Variants in NCAM2 observed in about 807,000 individuals in gnomAD.
The protein encoded by NCAM2 is N-CAM-2.
In NCAM2, 30 loss-of-function variants were observed where a neutral mutation model predicts 98.1. The ratio of observed to expected loss-of-function variants is 0.31; its 90% confidence interval spans 0.23 to 0.41. The LOEUF is 0.41. Ranked by LOEUF, NCAM2 falls within the 10% of genes least tolerant of loss-of-function variation. The pLI, the probability that NCAM2 is intolerant of heterozygous loss-of-function variation, is 1.00. For missense variants in NCAM2, 867 were observed against 1,005.8 expected, an observed-to-expected ratio of 0.86 and a Z score of 1.87; for synonymous variants, 368 against 342.4, an observed-to-expected ratio of 1.07 and a Z score of -0.83.
intron 1 of NCAM2, among the ~76,000 whole-genome samples, chr21:21,123,848 C>CTTTTTTTTTTTTTTTTTTTTTTTTTTTT (rs71193401): frequency 1.2e-5 from 1 of 86,656 alleles, no homozygotes; most frequent in Non-Finnish European, 2.0e-5. Flanking sequence ...TTCTTGATTG[C>CTTTTTTTTTTTTTTTTTTTTTTTTTTTT]TTTTTTTTTT....
At chr21:21,123,996 C>T (rs1338336881) in intron 1 of NCAM2, among the ~76,000 whole-genome samples, 2 of 151,808 alleles carry the variant, frequency 1.3e-5, no homozygotes, top group East Asian at 1.9e-4. Context: ...TGTAGGCGCC[C>T]GCCAGCACGC....
chr21:21,502,276 A>G (rs968201123), intron 15 of NCAM2, among the ~76,000 whole-genome samples: 2 of 151,854 alleles, frequency 1.3e-5, no homozygotes, highest in Admixed American at 6.6e-5. Flanking sequence ...AATTCTCTCA[A>G]TTTTCTATCC....
chr21:21,167,417 T>A (rs2067986964), intron 1 of NCAM2, among the ~76,000 whole-genome samples: 1 of 152,082 alleles, frequency 6.6e-6, no homozygotes, highest in African/African-American at 2.4e-5. Flanking sequence ...TAAAATTTTA[T>A]AAGCTTGAAC....
chr21:21,535,701 C>T (rs997599989), intron 17 of NCAM2, among the ~76,000 whole-genome samples: 32 of 152,032 alleles, frequency 2.1e-4, no homozygotes, highest in African/African-American at 7.2e-4. Flanking sequence ...GTGGGTTCTA[C>T]ATTCTTCACT....
chr21:21,237,728 T>A (rs1031004904), intron 1 of NCAM2, among the ~76,000 whole-genome samples: 1 of 152,074 alleles, frequency 6.6e-6, no homozygotes, highest in African/African-American at 2.4e-5. Flanking sequence ...ATAGCTATAT[T>A]TCCTAATAAA....
rs1224840988 is a variant in NCAM2 at position 21,540,910 on chromosome 21, G to T, written c.*2953G>T. 6.6e-6 allele frequency: 1 copy of T among 151,866 alleles called. No homozygotes were observed. The highest frequency in any genetic ancestry group is 1.9e-4 in the East Asian group (1 of 5,192). 9.4% of individuals were successfully genotyped at this position (151,866 alleles called of 1,614,324 possible). Reference sequence around the variant, plus strand: ...TACAATGATTGTCAAAGGAATTTAAGAATTGTATTTTTAAAGATTTATTTA... The same window carrying T: ...TACAATGATTGTCAAAGGAATTTAATAATTGTATTTTTAAAGATTTATTTA... On this transcript the variant is annotated 3_prime_UTR_variant, in exon 18 of 18. Transcript: ENST00000400546.
chr21:21,038,923 A>G (rs1601169917), intron 1 of NCAM2, among the ~76,000 whole-genome samples: 1 of 152,206 alleles, frequency 6.6e-6, no homozygotes, highest in Non-Finnish European at 1.5e-5. Flanking sequence ...TTTGATATGT[A>G]TAATCTTAGA....
chr21:21,103,853 G>A (rs1279948626), intron 1 of NCAM2, among the ~76,000 whole-genome samples: 3 of 151,944 alleles, frequency 2.0e-5, no homozygotes, highest in East Asian at 1.9e-4. Flanking sequence ...ATTTATTATC[G>A]ATACATCTTG....
intron 9 of NCAM2, among the ~76,000 whole-genome samples, chr21:21,378,080 T>C (rs2076072027): frequency 6.6e-6 from 1 of 152,018 alleles, no homozygotes; most frequent in South Asian, 2.1e-4. Context: ...TATCCTTTCA[T>C]TCATTGGTGG....
In NCAM2 at chr21:21,344,194, T is replaced by C. The variant is rs142246347; in HGVS notation, c.1044+5660T>C. 4.6e-5 allele frequency among the ~76,000 whole-genome samples: 7 copies of C among 152,274 alleles called. No individual in the cohort carries two copies. The East Asian group carries it at 1.4e-3, about 29-fold the overall frequency. On this transcript the variant is annotated intron_variant, in intron 8 of 17. Coordinates refer to ENST00000400546, the MANE Select transcript of NCAM2 (RefSeq NM_004540.5). ...AAGGACCCAGTCCTGGCAGCATTCA[T>C]CAATGGCTAACTAAAGAGCCCTTGG...
intron 1 of NCAM2, among the ~76,000 whole-genome samples, chr21:21,231,297 A>T (rs1246859884): frequency 6.6e-6 from 1 of 151,338 alleles, no homozygotes; most frequent in Non-Finnish European, 1.5e-5. Flanking sequence ...CTTCTCTGGG[A>T]TTTATATGGC....
Position 21,381,162 on chromosome 21 carries a change from T to C in NCAM2, c.1195+7149T>C, listed in dbSNP as rs149056354. Among the ~76,000 whole-genome samples the C allele has an allele frequency of 5.3e-5, 8 of 152,320 alleles. No homozygotes were observed. The East Asian group carries it at 1.5e-3, about 29-fold the overall frequency. ...AATTAACAGGGTCAGGGAATAAATA[T>C]TTTACTTTTTCTGGGCTACATACAG... is the stretch of plus-strand genomic sequence containing the variant. On this transcript the variant is annotated intron_variant, in intron 9 of 17. Coordinates refer to ENST00000400546, the MANE Select transcript of NCAM2 (RefSeq NM_004540.5).
chr21:21,010,437 T>C (rs2064188404), intron 1 of NCAM2, among the ~76,000 whole-genome samples: 1 of 152,092 alleles, frequency 6.6e-6, no homozygotes, highest in Non-Finnish European at 1.5e-5. Flanking sequence ...TTAAGAGCTA[T>C]TATGCAATAC....
In NCAM2 at chr21:21,036,445, G is replaced by C. The variant is rs73895158; in HGVS notation, c.55+37827G>C. ...ACACCAAAATGGTAGGGAAGTTTAA[G>C]TTTTTCCCTGAAACTTTGATAATTT... On this transcript the variant is annotated intron_variant, in intron 1 of 17. Coordinates refer to ENST00000400546, the MANE Select transcript of NCAM2 (RefSeq NM_004540.5). Among the ~76,000 whole-genome samples the C allele has an allele frequency of 5.3e-5, 8 of 152,170 alleles. No individual in the cohort carries two copies. The South Asian group carries it at 1.2e-3, about 24-fold the overall frequency.
chr21:21,197,515 A>G lies in NCAM2; in HGVS notation c.56-83063A>G, dbSNP rs537505868. Among the ~76,000 whole-genome samples, 10 of 152,242 alleles carry G rather than the reference A, an allele frequency of 6.6e-5. No individual in the cohort carries two copies. The South Asian group carries it at 2.1e-3, about 32-fold the overall frequency. Reference sequence around the variant, plus strand: ...CAAATACTTGAGGCAAACAAAATATATTTTATAACCAAAGAGAAGCCGCTC... The same window carrying G: ...CAAATACTTGAGGCAAACAAAATATGTTTTATAACCAAAGAGAAGCCGCTC... On this transcript the variant is annotated intron_variant, in intron 1 of 17. Coordinates refer to ENST00000400546, the MANE Select transcript of NCAM2 (RefSeq NM_004540.5).
At chr21:21,349,528 C>T (rs555349609) in intron 8 of NCAM2, among the ~76,000 whole-genome samples, 1 of 152,188 alleles carries the variant, frequency 6.6e-6, no homozygotes, top group East Asian at 1.9e-4. Flanking sequence ...GGAGGTTCAT[C>T]TAAAAAGCTA....
At chr21:21,121,229 T>C (rs920183632) in intron 1 of NCAM2, among the ~76,000 whole-genome samples, 6 of 152,196 alleles carry the variant, frequency 3.9e-5, no homozygotes, top group African/African-American at 1.4e-4. Flanking sequence ...TAGCTTCTTA[T>C]TAGTATAGTG....
At chr21:21,133,342 T>G (rs2146621318) in intron 1 of NCAM2, among the ~76,000 whole-genome samples, 1 of 152,314 alleles carries the variant, frequency 6.6e-6, no homozygotes, top group East Asian at 1.9e-4. Flanking sequence ...GTAGCAGCCA[T>G]ATCTGGGATA....
intron 8 of NCAM2, among the ~76,000 whole-genome samples, chr21:21,345,904 A>G (rs2075174193): frequency 6.6e-6 from 1 of 152,106 alleles, no homozygotes; most frequent in African/African-American, 2.4e-5. Flanking sequence ...ATGGTCAAGG[A>G]TAAAAAAGCA....
Sources: gnomAD v4.1 joint callset for allele counts (sites outside exome capture counted in the v4.1 genomes callset) on GRCh38, gnomAD v4.1.1 for gene constraint, MANE v1.5 for transcripts, NCBI Gene and HGNC (gene_info 2026-07-23, HGNC 2026-07-21) for gene names.